The following CACNA1D variants were observed in gnomAD, a reference collection of about 807,000 sequenced individuals.
The protein encoded by CACNA1D is voltage-dependent L-type calcium channel subunit alpha-1D.
Under a neutral mutation model 257.1 loss-of-function variants are expected in CACNA1D, and 55 were observed. That is an observed-to-expected ratio of 0.21 (90% confidence interval 0.17 to 0.27). The LOEUF (loss-of-function observed/expected upper bound fraction) is 0.27. CACNA1D is among the 10% of genes least tolerant of loss of function. The pLI is 1.00. For synonymous variants in CACNA1D, 980 were observed against 1,014.9 expected, an observed-to-expected ratio of 0.97 and a Z score of 0.65; for missense variants, 1,876 against 2,784.0, an observed-to-expected ratio of 0.67 and a Z score of 7.34.
intron 4 of CACNA1D, among the ~76,000 whole-genome samples, chr3:53,656,409 A>C (rs997055877): frequency 2.6e-5 from 4 of 152,140 alleles, no homozygotes; most frequent in African/African-American, 9.7e-5. Flanking sequence ...CCTATTTGTG[A>C]GCATGGTATG....
At position 53,723,392 on chromosome 3, in the gene CACNA1D, T is replaced by C; in HGVS notation, c.1667-42T>C. The C allele has an allele frequency of 2.0e-6, 3 of 1,480,798 alleles. No homozygotes were observed. Among genetic ancestry groups the C allele is most frequent in the Non-Finnish European group, 2.8e-6 (3 of 1,058,476 alleles). 91.7% of individuals were successfully genotyped at this position (1,480,798 alleles called of 1,614,324 possible). On this transcript the variant is annotated intron_variant, in intron 12 of 47. Coordinates refer to ENST00000350061, the MANE Select transcript of CACNA1D (RefSeq NM_001128840.3). The surrounding 1 kb of genome is among the most constrained non-coding windows in gnomAD (Gnocchi z 5.6). Reference sequence around the variant, plus strand: ...GAGGGGCACGAGCAGTCTGAGTGTCTTGCAGGAGACCCTGAGGATGGGTGC... The same window carrying C: ...GAGGGGCACGAGCAGTCTGAGTGTCCTGCAGGAGACCCTGAGGATGGGTGC...
intron 8 of CACNA1D, among the ~76,000 whole-genome samples, chr3:53,688,053 C>T (rs1343995760): frequency 1.3e-5 from 2 of 152,212 alleles, no homozygotes; most frequent in African/African-American, 4.8e-5. Flanking sequence ...ATATACTCAC[C>T]ATATGGCCAA....
At chr3:53,768,830 G>T (rs1389857367) in intron 30 of CACNA1D, among the ~76,000 whole-genome samples, 1 of 152,196 alleles carries the variant, frequency 6.6e-6, no homozygotes, top group East Asian at 1.9e-4. Flanking sequence ...CCTTTCCCCA[G>T]ATCCCCAGGG....
At chr3:53,768,223 C>T (rs771964820) in intron 30 of CACNA1D, among the ~76,000 whole-genome samples, 1 of 152,214 alleles carries the variant, frequency 6.6e-6, no homozygotes, top group Non-Finnish European at 1.5e-5. Flanking sequence ...AGTGTCTTCC[C>T]TGACCAACAG....
At chr3:53,669,878 C>T (rs2094305985) in intron 7 of CACNA1D, among the ~76,000 whole-genome samples, 2 of 151,852 alleles carry the variant, frequency 1.3e-5, no homozygotes, top group African/African-American at 4.8e-5. Flanking sequence ...GTTGTGTGAC[C>T]TTGAGTAGTT....
intron 3 of CACNA1D, among the ~76,000 whole-genome samples, chr3:53,596,409 C>T (rs908580184): frequency 6.6e-5 from 10 of 152,220 alleles, no homozygotes; most frequent in African/African-American, 7.2e-5. Flanking sequence ...GGGCACTTAC[C>T]GACTGTGTCA....
rs116248358 is a variant in CACNA1D at position 53,694,419 on chromosome 3, T to A, written c.1221-8222T>A. On this transcript the variant is annotated intron_variant, in intron 8 of 47. Transcript: ENST00000350061. The stretch of plus-strand genomic sequence containing the variant: ...AGTGCAGTAGTGAGCAGAGCTGGGC[T>A]TTATGCCCTGTCCTCCCTCCCTGGT... Among the ~76,000 whole-genome samples, 973 of 152,300 alleles carry A rather than the reference T, an allele frequency of 6.4e-3. 7 individuals carry two copies. Among genetic ancestry groups the A allele is most frequent in the Non-Finnish European group, 9.1e-3 (620 of 68,018 alleles).
At chr3:53,707,158 C>G (rs1224679514) in intron 9 of CACNA1D, among the ~76,000 whole-genome samples, 1 of 152,070 alleles carries the variant, frequency 6.6e-6, no homozygotes, top group African/African-American at 2.4e-5. Flanking sequence ...TCTTTTCTCT[C>G]TGATCTGCTA....
Position 53,811,272 on chromosome 3 carries a change from G to C in CACNA1D, c.6352G>C (p.Asp2118His), listed in dbSNP as rs760811996. 6.2e-7 allele frequency: 1 copy of C among 1,613,976 alleles called. No homozygotes were observed. Among genetic ancestry groups the C allele is most frequent in the South Asian group, 1.1e-5 (1 of 91,086 alleles). The change falls in exon 48 of 48, where the codon GAT becomes CAT. Residue 2118 changes from aspartate (D) to histidine (H), a missense_variant. Physicochemically the swap from Asp to His is moderately conservative, Grantham distance 81 (BLOSUM62 -1). Coordinates refer to ENST00000350061, the MANE Select transcript of CACNA1D (RefSeq NM_001128840.3). This position sits in a 1 kb window ranked among gnomAD's most constrained non-coding sequence, Gnocchi z 4.2. ...GAACGTGCGTCCCCGAGCCAACGGG[G>C]ATGTGGGCCCCCTCTCACACCGGCA... ...NGNVRPRANGDVGPLSHRQDY... is the reference protein window; with the variant it reads ...NGNVRPRANGHVGPLSHRQDY...
rs2095528297 is a variant in CACNA1D, at chr3:53,800,036, AG to A, written c.4924-211del. ...AGGAGGTTACGGGGTTGCAGGCCTC[AG>A]GCATCCTACCTAGGACCTTCTTGAC... On this transcript the variant is annotated intron_variant, in intron 40 of 47. Coordinates refer to ENST00000350061, the MANE Select transcript of CACNA1D (RefSeq NM_001128840.3). The surrounding 1 kb of genome is among the most constrained non-coding windows in gnomAD (Gnocchi z 4.3). The A allele has an allele frequency of 1.5e-6, 1 of 649,888 alleles. No individual in the cohort carries two copies. Among genetic ancestry groups the A allele is most frequent in the Non-Finnish European group, 2.8e-6 (1 of 361,092 alleles). The allele number at this position is 649,888 out of a possible 1,614,324, so 40.3% of individuals were successfully genotyped here.
intron 3 of CACNA1D, among the ~76,000 whole-genome samples, chr3:53,576,695 A>G (rs17053208): frequency 0.012 from 1,857 of 152,298 alleles, 38 homozygotes; most frequent in African/African-American, 0.042. Context: ...TCTAAATTGC[A>G]TTTGCAGCAG....
At chr3:53,687,037 T>G (rs1218903304) in intron 8 of CACNA1D, among the ~76,000 whole-genome samples, 1 of 151,878 alleles carries the variant, frequency 6.6e-6, no homozygotes, top group Non-Finnish European at 1.5e-5. Context: ...CCATCAAAAA[T>G]TATTTACAAT....
chr3:53,665,038 C>G (rs1354619043), intron 5 of CACNA1D, among the ~76,000 whole-genome samples: 1 of 152,202 alleles, frequency 6.6e-6, no homozygotes, highest in Non-Finnish European at 1.5e-5. Flanking sequence ...TGATTGCCCT[C>G]AGCAAACCTG....
At chr3:53,716,814 CA>C (rs890007733) in intron 9 of CACNA1D, among the ~76,000 whole-genome samples, 2 of 152,334 alleles carry the variant, frequency 1.3e-5, no homozygotes, top group Non-Finnish European at 2.9e-5. Flanking sequence ...CGGGCACTCA[CA>C]AGCGGAACGG....
At chr3:53,697,589 T>C (rs1036973286) in intron 8 of CACNA1D, among the ~76,000 whole-genome samples, 37 of 152,218 alleles carry the variant, frequency 2.4e-4, no homozygotes, top group African/African-American at 8.4e-4. Flanking sequence ...TTCAAATATA[T>C]AGAACAACCC....
chr3:53,666,547 G>C lies in CACNA1D; in HGVS notation c.1116+12G>C, dbSNP rs200685268. On this transcript the variant is annotated intron_variant, in intron 7 of 47. Coordinates refer to ENST00000350061, the MANE Select transcript of CACNA1D (RefSeq NM_001128840.3). ...ATGTGCTCTACTGGGTAAGTACCCT[G>C]GGGAGAGAGTTTATGGAGTGTTCTT... The C allele has an allele frequency of 6.2e-7, 1 of 1,603,960 alleles. No homozygotes were observed. The highest frequency in any genetic ancestry group is 8.5e-7 in the Non-Finnish European group (1 of 1,170,890).
At chr3:53,630,613 A>G (rs2108114483) in intron 3 of CACNA1D, among the ~76,000 whole-genome samples, 1 of 152,378 alleles carries the variant, frequency 6.6e-6, no homozygotes, top group South Asian at 2.1e-4. Flanking sequence ...TTAACAAGTC[A>G]TGAGAGTTCA....
chr3:53,550,750 C>G (rs1228075268), intron 3 of CACNA1D, among the ~76,000 whole-genome samples: 5 of 151,878 alleles, frequency 3.3e-5, no homozygotes, highest in African/African-American at 1.2e-4. Flanking sequence ...ACATAGGAGC[C>G]CTGAGAAGTG....
intron 3 of CACNA1D, among the ~76,000 whole-genome samples, chr3:53,572,876 C>A (rs1366457345): frequency 6.6e-6 from 1 of 152,170 alleles, no homozygotes; most frequent in African/African-American, 2.4e-5. Flanking sequence ...TATAGACCAT[C>A]TTTATATGAA....
Sources: allele counts gnomAD v4.1 joint callset (sites outside exome capture counted in the v4.1 genomes callset), GRCh38; gene constraint gnomAD v4.1.1; non-coding constraint Gnocchi (gnomAD v3.1); transcripts MANE v1.5; gene names NCBI Gene and HGNC (gene_info 2026-07-23, HGNC 2026-07-21).